The following TTC7A variants were observed in gnomAD, a reference collection of about 807,000 sequenced individuals.
The protein encoded by TTC7A is tetratricopeptide repeat domain 7A.
A neutral mutation model predicts 103.7 loss-of-function variants in TTC7A; 110 were observed. That is an observed-to-expected ratio of 1.06 (90% CI 0.91 to 1.24). TTC7A has a LOEUF of 1.24. Among genes scored for constraint, TTC7A ranks in the 50% most tolerant of loss-of-function variants. The pLI, the probability that TTC7A is intolerant of heterozygous loss-of-function variation, is 0.00. For synonymous variants in TTC7A, 521 were observed against 467.9 expected (o/e 1.11, Z -1.47); for missense variants, 1,340 against 1,116.3 (o/e 1.20, Z -2.86).
intron 15 of TTC7A, among the ~76,000 whole-genome samples, chr2:47,039,188 G>A (rs1005154816): frequency 6.6e-6 from 1 of 152,224 alleles, no homozygotes; most frequent in Non-Finnish European, 1.5e-5. Flanking sequence ...CACATCATCT[G>A]ATGCTGAAGG....
intron 8 of TTC7A, among the ~76,000 whole-genome samples, chr2:46,996,560 G>A (rs1228342564): frequency 1.3e-5 from 2 of 152,226 alleles, no homozygotes. Context: ...GTGGGGCAGA[G>A]GGATTGCATC....
Position 46,978,788 on chromosome 2 carries a change from C to T in TTC7A, c.649-4C>T, listed in dbSNP as rs1467377884. On this transcript the variant is annotated splice_region_variant and splice_polypyrimidine_tract_variant and intron_variant, in intron 4 of 19. Coordinates refer to ENST00000319190, the MANE Select transcript of TTC7A (RefSeq NM_020458.4). ...AATGGCTCTCTCTCTGTTTCCCTTC[C>T]CAGACCACAAATAACAGCACGTCGA... 4 of 1,612,888 alleles carry T rather than the reference C, an allele frequency of 2.5e-6. No individual in the cohort carries two copies. In the African/African-American group the frequency reaches 5.3e-5, roughly 22 times the overall value.
At chr2:46,917,498 G>C (rs1668872440) in intron 2 of TTC7A, among the ~76,000 whole-genome samples, 1 of 152,108 alleles carries the variant, frequency 6.6e-6, no homozygotes, top group African/African-American at 2.4e-5. Context: ...CTATGTACTA[G>C]GCGCTCTACT....
chr2:46,956,239 G>C (rs1349858014), intron 2 of TTC7A, among the ~76,000 whole-genome samples: 1 of 152,236 alleles, frequency 6.6e-6, no homozygotes, highest in Non-Finnish European at 1.5e-5. Context: ...TGGCCTCCGT[G>C]ATTCTGCACT....
intron 2 of TTC7A, among the ~76,000 whole-genome samples, chr2:46,930,105 A>G (rs1669612071): frequency 6.6e-6 from 1 of 152,190 alleles, no homozygotes; most frequent in African/African-American, 2.4e-5. Context: ...ACCTTTCCCT[A>G]CTGTTATTTA....
rs1461071336 is a variant in TTC7A at position 47,074,746 on chromosome 2, C to G, written c.*823C>G. 2.0e-5 allele frequency: 3 copies of G among 152,460 alleles called. No homozygotes were observed. The highest frequency in any genetic ancestry group is 7.2e-5 in the African/African-American group (3 of 41,434). The allele number at this position is 152,460 out of a possible 1,614,324, so 9.4% of individuals were successfully genotyped here. ...CCAGTACATCTCACCACCCACAGCC[C>G]TTTTTTTGCCTTGATTCGAGCCTCA... On this transcript the variant is annotated 3_prime_UTR_variant, in exon 20 of 20. Transcript: ENST00000319190.
intron 2 of TTC7A, among the ~76,000 whole-genome samples, chr2:46,935,960 G>C (rs926117693): frequency 6.6e-6 from 1 of 152,038 alleles, no homozygotes; most frequent in East Asian, 1.9e-4. Flanking sequence ...GGGTGGTGGC[G>C]TGTGCCTGTA....
intron 3 of TTC7A, among the ~76,000 whole-genome samples, chr2:46,967,680 C>A (rs1347847203): frequency 2.0e-5 from 3 of 152,110 alleles, no homozygotes; most frequent in African/African-American, 7.2e-5. Context: ...ACTTGGGTTG[C>A]TTCTACATTT....
chr2:46,999,761 G>T lies in TTC7A; in HGVS notation c.1065+4562G>T, dbSNP rs1204048949. ...GAATCTTTCTTATTTCTGAAATACT[G>T]ATCTGGGGCATAAAAATATGTGCTA... On this transcript the variant is annotated intron_variant, in intron 8 of 19. Transcript: ENST00000319190. 4 of 985,370 alleles carry T rather than the reference G, an allele frequency of 4.1e-6. No homozygotes were observed. The African/African-American group carries it at 7.0e-5, about 17-fold the overall frequency. 61.0% of individuals were successfully genotyped at this position (985,370 alleles called of 1,614,324 possible). A position where few individuals can be genotyped will look rare whatever the true frequency, so the allele number is the denominator to read the frequency against.
chr2:46,986,000 C>T (rs914273755), intron 5 of TTC7A, among the ~76,000 whole-genome samples: 1 of 152,192 alleles, frequency 6.6e-6, no homozygotes, highest in Admixed American at 6.5e-5. Flanking sequence ...AGCACCATCC[C>T]CCCACTCGCC....
rs1011798058 is a variant in TTC7A at position 46,981,569 on chromosome 2, A to G, written c.764+2662A>G. 3.9e-5 allele frequency among the ~76,000 whole-genome samples: 6 copies of G among 152,344 alleles called. No homozygotes were observed. In the South Asian group the frequency reaches 1.2e-3, roughly 32 times the overall value. On this transcript the variant is annotated intron_variant, in intron 5 of 19. Transcript: ENST00000319190. ...GTCCATGGCCAAATAAGTTTGGGAA[A>G]CAATGGATTGAAGACCTCTGAGACT...
At chr2:46,942,310 T>C (rs1476002165) in intron 1 of TTC7A, among the ~76,000 whole-genome samples, 3 of 152,036 alleles carry the variant, frequency 2.0e-5, no homozygotes, top group African/African-American at 7.2e-5. Flanking sequence ...TGGGCCGGGC[T>C]CTTGTGCTGG....
chr2:46,927,178 AT>A (rs1196037845), intron 2 of TTC7A, among the ~76,000 whole-genome samples: 1 of 152,134 alleles, frequency 6.6e-6, no homozygotes, highest in East Asian at 1.9e-4. Flanking sequence ...CAAAGACAGT[AT>A]TTGAAGAGAT....
At position 47,060,971 on chromosome 2, in the gene TTC7A, G is replaced by A. The variant is rs1395976144; in HGVS notation, c.2355G>A (p.Leu785=). Residue 785 remains leucine, a splice_region_variant and synonymous_variant, in exon 19 of 20, where the codon CTG becomes CTA. Coordinates refer to ENST00000319190, the MANE Select transcript of TTC7A (RefSeq NM_020458.4). ...NPDGVRIMHS[L]GLMLSRLGHK... ...ATGGCGTGCGCATCATGCATAGCCT[G>A]GTGAGTCAGAGCCCCCCGCGCTCCC... 6.2e-7 allele frequency: 1 copy of A among 1,605,172 alleles called. No homozygotes were observed. Among genetic ancestry groups the A allele is most frequent in the African/African-American group, 1.3e-5 (1 of 74,754 alleles).
At chr2:47,039,999 C>G (rs34156957) in intron 15 of TTC7A, among the ~76,000 whole-genome samples, 3,707 of 152,326 alleles carry the variant, frequency 0.024, 96 homozygotes, top group Admixed American at 0.083. Flanking sequence ...CACCTGAGTG[C>G]CTTTCTGTGC....
chr2:47,066,992 G>A (rs886627166), intron 19 of TTC7A, among the ~76,000 whole-genome samples: 5 of 152,224 alleles, frequency 3.3e-5, no homozygotes, highest in East Asian at 1.9e-4. Context: ...ATCCCATGGC[G>A]GAAGGTGGAG....
At chr2:46,969,698 A>G (rs1436072973) in intron 3 of TTC7A, among the ~76,000 whole-genome samples, 1 of 152,170 alleles carries the variant, frequency 6.6e-6, no homozygotes, top group African/African-American at 2.4e-5. Flanking sequence ...GGCATGAGCC[A>G]GCGTGCCTGG....
At chr2:46,967,306 C>G (rs1338961002) in intron 3 of TTC7A, among the ~76,000 whole-genome samples, 1 of 152,198 alleles carries the variant, frequency 6.6e-6, no homozygotes, top group Non-Finnish European at 1.5e-5. Flanking sequence ...GTTGTGCAAC[C>G]AATCTCCTGA....
In TTC7A at chr2:46,995,129, C is replaced by T; in HGVS notation, c.1002-7C>T. ...CTCTAGCCAGGCCTGTCATTGGTGT[C>T]TTTCAGCCTCTACTGCCCCAAGGAC... is the stretch of plus-strand genomic sequence containing the variant. On this transcript the variant is annotated splice_region_variant and splice_polypyrimidine_tract_variant and intron_variant, in intron 7 of 19. Coordinates refer to ENST00000319190, the MANE Select transcript of TTC7A (RefSeq NM_020458.4). The T allele has an allele frequency of 6.2e-7, 1 of 1,614,136 alleles. No homozygotes were observed. The highest frequency in any genetic ancestry group is 1.1e-5 in the South Asian group (1 of 91,070).
Sources: allele counts gnomAD v4.1 joint callset (sites outside exome capture counted in the v4.1 genomes callset), GRCh38; gene constraint gnomAD v4.1.1; transcripts MANE v1.5; gene names NCBI Gene and HGNC (gene_info 2026-07-23, HGNC 2026-07-21).